MED23: variants seen among roughly 807,000 people sequenced by gnomAD.
MED23 encodes mediator of RNA polymerase II transcription subunit 23.
MED23 carries 105 observed loss-of-function variants against 163.9 expected under a neutral mutation model. The ratio of observed to expected loss-of-function variants is 0.64; its 90% CI spans 0.55 to 0.75. MED23 has a LOEUF of 0.75. Ranked by LOEUF, MED23 falls within the 30% of genes least tolerant of loss-of-function variation. The probability of loss-of-function intolerance (pLI) is 0.00; values close to 1 mark genes in which losing one functional copy is unlikely to be tolerated. For synonymous variants in MED23, 561 were observed against 565.6 expected, an observed-to-expected ratio of 0.99 and a Z score of 0.12; for missense variants, 1,054 against 1,649.0, an observed-to-expected ratio of 0.64 and a Z score of 6.25.
Position 131,603,140 on chromosome 6 carries a change from C to T in MED23, c.1821G>A (p.Met607Ile). 1 of 1,613,938 alleles carries T rather than the reference C, an allele frequency of 6.2e-7. No homozygotes were observed. Among genetic ancestry groups the T allele is most frequent in the Non-Finnish European group, 8.5e-7 (1 of 1,179,892 alleles). ...AWGILHTLLE[M>I]FSYRMHHIQP... ...GAATATGATGCATCCGGTAGCTAAA[C>T]ATCTCAAGGAGTGTGTGTAAGATCC... Residue 607 changes from methionine to isoleucine, a missense_variant, in exon 16 of 29, where the codon ATG becomes ATA. This residue lies in a region of MED23 where 228 missense variants were observed against 461.3 expected (regional missense o/e 0.49). Coordinates refer to ENST00000368068, the MANE Select transcript of MED23 (RefSeq NM_004830.4).
At chr6:131,584,876 G>A (rs1007071605), downstream of MED23, among the ~76,000 whole-genome samples, 1 of 149,908 alleles carries the variant, frequency 6.7e-6, no homozygotes, top group African/African-American at 2.5e-5. Flanking sequence ...GTGAACATCT[G>A]TAGTCCCAGC....
chr6:131,596,296 C>T (rs745551096), intron 21 of MED23, 133 bp from the exon 22 acceptor site: 328 of 930,096 alleles, frequency 3.5e-4, no homozygotes, highest in Admixed American at 7.9e-4. Context: ...TTATACTTTA[C>T]TTCTTTTTAT....
chr6:131,581,483 T>A, intron 30 of MED23: 1 of 1,327,938 alleles, frequency 7.5e-7, no homozygotes, highest in Non-Finnish European at 1.0e-6. Context: ...CTTGGTGTAA[T>A]CTCAAATCAT....
At chr6:131,574,317 G>A (rs932644214) in intron 30 of MED23, 1 of 1,613,854 alleles carries the variant, frequency 6.2e-7, no homozygotes, top group Non-Finnish European at 8.5e-7. Flanking sequence ...ATTGAGAGAG[G>A]CCAGAGGTTA....
At chr6:131,596,206 A>T in intron 21 of MED23, 43 bp from the exon 22 acceptor site, 3 of 1,559,826 alleles carry the variant, frequency 1.9e-6, no homozygotes, top group Non-Finnish European at 2.7e-6. Flanking sequence ...GCATTTTTTA[A>T]AAAATTCTCT....
At position 131,594,205 on chromosome 6, in the gene MED23, C is replaced by T. The variant is rs562060403; in HGVS notation, c.3126G>A (p.Trp1042Ter). Residue 1042 changes from tryptophan (W) to a stop codon, truncating the protein, a stop_gained, in exon 23 of 29, where the codon TGG (tryptophan) becomes TGA (stop). Coordinates refer to ENST00000368068, the MANE Select transcript of MED23 (RefSeq NM_004830.4). LOFTEE classifies it high-confidence loss of function. ...ATTTCAGGTAAGTGTCACTTAGACACCAGCCCTGCGGTCGATTATCCTTCA... is the reference window on the plus strand; with the variant it reads ...ATTTCAGGTAAGTGTCACTTAGACATCAGCCCTGCGGTCGATTATCCTTCA... ...GSLKDNRPQG[W>*]CLSDTYLKCA... 1 of 1,614,140 alleles carries T rather than the reference C, an allele frequency of 6.2e-7. No individual in the cohort carries two copies. The highest frequency in any genetic ancestry group is 8.5e-7 in the Non-Finnish European group (1 of 1,180,014).
At chr6:131,586,251 T>A (rs2114559325), downstream of MED23, among the ~76,000 whole-genome samples, 1 of 151,768 alleles carries the variant, frequency 6.6e-6, no homozygotes, top group Non-Finnish European at 1.5e-5. Flanking sequence ...ATACAAAAAA[T>A]TAGCCAGGCG....
chr6:131,616,720 T>C (rs1188243775), intron 9 of MED23, among the ~76,000 whole-genome samples: 1 of 152,114 alleles, frequency 6.6e-6, no homozygotes, highest in Non-Finnish European at 1.5e-5. Context: ...CTCAGGAGGC[T>C]GAGGTGGGGA....
In MED23 at chr6:131,587,857, A is replaced by G. The variant is rs757208719; in HGVS notation, c.3940-11T>C. ...GATAATCTTCTCTACCTAAGAAATA[A>G]AAACACATTAAAACGTACTTTAATC... On this transcript the variant is annotated splice_polypyrimidine_tract_variant and intron_variant, in intron 28 of 28. Transcript: ENST00000368068. 3 of 1,599,444 alleles carry G rather than the reference A, an allele frequency of 1.9e-6. No homozygotes were observed.
intron 12 of MED23, 31 bp downstream of exon 12, chr6:131,607,897 T>C: frequency 6.2e-7 from 1 of 1,610,092 alleles, no homozygotes; most frequent in Non-Finnish European, 8.5e-7. Context: ...ACTCATCATG[T>C]TGTTATGAAT....
rs1043009702 is a variant in MED23, at chr6:131,610,149, C to G, written c.974G>C (p.Gly325Ala). 4 of 1,614,012 alleles carry G rather than the reference C, an allele frequency of 2.5e-6. No homozygotes were observed. Among genetic ancestry groups the G allele is most frequent in the Non-Finnish European group, 3.4e-6 (4 of 1,179,966 alleles). ...ATGCTGCCACAGGAGTTGGCTTGTT[C>G]CCCCATCGTCAAACTTCTCCTCGGT... ...SETEEKFDDGGTSQLLWQHLS... is the reference protein window; with the variant it reads ...SETEEKFDDGATSQLLWQHLS... Residue 325 changes from glycine (G) to alanine (A), a missense_variant, in exon 11 of 29, where the codon GGA (glycine) becomes GCA (alanine). By Grantham distance (60) the Gly-to-Ala change is moderately conservative. Transcript: ENST00000368068.
At chr6:131,600,234 AAAT>A (rs1775365991) in intron 17 of MED23, 72 bp from the exon 18 acceptor site, 12 of 1,410,536 alleles carry the variant, frequency 8.5e-6, no homozygotes, top group Middle Eastern at 2.1e-4. Context: ...ATTATAGCGA[AAAT>A]AATAATTATG....
intron 22 of MED23, 24 bp from the exon 23 acceptor site, chr6:131,594,359 C>T (rs370506009): frequency 1.9e-5 from 29 of 1,528,446 alleles, no homozygotes; most frequent in Non-Finnish European, 2.5e-5. Flanking sequence ...AACATACCAC[C>T]ACAATGTTTA....
At position 131,600,068 on chromosome 6, in the gene MED23, G is replaced by A. The variant is rs770419391; in HGVS notation, c.2190C>T (p.His730=). 8.1e-6 allele frequency: 13 copies of A among 1,613,922 alleles called. No individual in the cohort carries two copies. The African/African-American group carries it at 1.6e-4, about 20-fold the overall frequency. ...MSFTPHNWAS[H]TLSCFPGPLQ... is the part of the protein sequence containing the mutation. Reference sequence around the variant, plus strand: ...GTGGGCCTGGAAAACAGCTCAGGGTGTGTGAAGCCCAATTATGAGGAGTGA... The same window carrying A: ...GTGGGCCTGGAAAACAGCTCAGGGTATGTGAAGCCCAATTATGAGGAGTGA... The change falls in exon 18 of 29, where the codon CAC becomes CAT. Residue 730 remains histidine (H), a synonymous_variant. Coordinates refer to ENST00000368068, the MANE Select transcript of MED23 (RefSeq NM_004830.4).
chr6:131,627,690 A>AAC lies in MED23; in HGVS notation c.40-19_40-18insGT, dbSNP rs1491586040. On this transcript the variant is annotated intron_variant, in intron 1 of 28. Transcript: ENST00000368068. ...TCCGTTTTCTGTAAAAAAAAAAAAA[A>AAC]CAAAATGTAAACAATGTTAATTTTA... 2.5e-6 allele frequency: 4 copies of AAC among 1,591,452 alleles called. No homozygotes were observed. The highest frequency in any genetic ancestry group is 1.7e-4 in the Middle Eastern group (1 of 6,012).
intron 17 of MED23, among the ~76,000 whole-genome samples, chr6:131,600,426 C>T (rs17060435): frequency 6.6e-6 from 1 of 151,994 alleles, no homozygotes; most frequent in Non-Finnish European, 1.5e-5. Context: ...AGAGTACCAG[C>T]GATAACAGTA....
chr6:131,599,554 T>C (rs1392028229), intron 18 of MED23, among the ~76,000 whole-genome samples: 1 of 152,204 alleles, frequency 6.6e-6, no homozygotes, highest in Non-Finnish European at 1.5e-5. Flanking sequence ...TTAATTTTCA[T>C]GAGATTCTAA....
At chr6:131,575,334 C>A (rs1290785114) in intron 30 of MED23, among the ~76,000 whole-genome samples, 1 of 151,966 alleles carries the variant, frequency 6.6e-6, no homozygotes, top group East Asian at 1.9e-4. Context: ...TGAAATCTAA[C>A]AATGAGGAAA....
chr6:131,609,159 C>T (rs1776075565), intron 11 of MED23, among the ~76,000 whole-genome samples: 2 of 152,176 alleles, frequency 1.3e-5, no homozygotes, highest in Non-Finnish European at 2.9e-5. Flanking sequence ...CGCTACACCA[C>T]CTTCTTTCTC....
Sources: allele counts gnomAD v4.1 joint callset (sites outside exome capture counted in the v4.1 genomes callset), GRCh38; gene constraint gnomAD v4.1.1; regional missense constraint gnomAD v4.1.1; transcripts MANE v1.5; gene names NCBI Gene and HGNC (gene_info 2026-07-23, HGNC 2026-07-21).